Variants in CFAP52 observed in about 807,000 individuals in gnomAD.
CFAP52 encodes the protein cilia and flagella associated protein 52, also known as cilia- and flagella-associated protein 52.
CFAP52 carries 57 observed loss-of-function variants against 70.5 expected under a neutral mutation model. The observed-to-expected ratio is 0.81, with a 90% CI of 0.65 to 1.01. CFAP52 has a LOEUF of 1.01. CFAP52 is among the 50% of genes least tolerant of loss of function. CFAP52 has a pLI of 0.00. For synonymous variants in CFAP52, 267 were observed against 292.5 expected (o/e 0.91, Z 0.89); for missense variants, 785 against 788.5 (o/e 1.00, Z 0.05).
intron 8 of CFAP52, among the ~76,000 whole-genome samples, chr17:9,614,447 C>CTTA (rs1909832857): frequency 6.6e-6 from 1 of 152,170 alleles, no homozygotes; most frequent in Admixed American, 6.5e-5. Flanking sequence ...TGAGCCACCA[C>CTTA]GCCTGGCCTC....
chr17:9,631,992 C>T (rs769499969), intron 9 of CFAP52, among the ~76,000 whole-genome samples: 1 of 150,962 alleles, frequency 6.6e-6, no homozygotes, highest in Non-Finnish European at 1.5e-5. Flanking sequence ...AGGCTGGTCT[C>T]CACCTCCTGT....
At chr17:9,605,650 C>T (rs886952907) in intron 6 of CFAP52, among the ~76,000 whole-genome samples, 2 of 134,788 alleles carry the variant, frequency 1.5e-5, no homozygotes, top group Middle Eastern at 4.4e-3. Flanking sequence ...GAGCCGAGAT[C>T]GCGCCCCTGC....
At chr17:9,607,801 C>T (rs1909555368) in intron 6 of CFAP52, among the ~76,000 whole-genome samples, 3 of 152,088 alleles carry the variant, frequency 2.0e-5, no homozygotes, top group Non-Finnish European at 4.4e-5. Context: ...AGCCTGTTTG[C>T]ATCCTGTAGG....
intron 4 of CFAP52, among the ~76,000 whole-genome samples, chr17:9,595,332 A>G (rs1194613982): frequency 1.3e-5 from 2 of 152,066 alleles, no homozygotes; most frequent in Middle Eastern, 3.2e-3. Context: ...GCAGCTCTAC[A>G]TCTATATTGT....
intron 3 of CFAP52, among the ~76,000 whole-genome samples, chr17:9,592,327 G>C (rs562924273): frequency 6.6e-6 from 1 of 152,020 alleles, no homozygotes; most frequent in South Asian, 2.1e-4. Context: ...TTAGCTGGGC[G>C]TGGTGGTGGT....
chr17:9,607,123 A>T (rs1038730244), intron 6 of CFAP52, among the ~76,000 whole-genome samples: 3 of 152,196 alleles, frequency 2.0e-5, no homozygotes, highest in African/African-American at 7.2e-5. Context: ...AGGCAGGAGG[A>T]TCACTTCAGG....
chr17:9,594,155 CTT>C, intron 3 of CFAP52, 36 bp from the exon 4 acceptor site: 3 of 1,536,058 alleles, frequency 2.0e-6, no homozygotes, highest in Non-Finnish European at 2.6e-6. Flanking sequence ...CCTGTTTTCT[CTT>C]TGACTTTTTT....
intron 1 of CFAP52, among the ~76,000 whole-genome samples, chr17:9,580,696 A>G (rs1908180686): frequency 6.6e-6 from 1 of 152,020 alleles, no homozygotes; most frequent in Non-Finnish European, 1.5e-5. Context: ...CTCAAAAAAA[A>G]AAAAAAAATG....
intron 8 of CFAP52, among the ~76,000 whole-genome samples, chr17:9,613,723 TG>T (rs1909797851): frequency 6.6e-6 from 1 of 152,090 alleles, no homozygotes; most frequent in African/African-American, 2.4e-5. Flanking sequence ...TTCACCTTGT[TG>T]GCCAGGCTGG....
At position 9,637,276 on chromosome 17, in the gene CFAP52, A is replaced by C. The variant is rs545675340; in HGVS notation, c.1473-1333A>C. On this transcript the variant is annotated intron_variant, in intron 11 of 13. Coordinates refer to ENST00000352665, the MANE Select transcript of CFAP52 (RefSeq NM_145054.5). ...CTATACCTGACCTTCCTCCTGGGAAAATATAGAACTAGAAGGACATGTCTG... is the reference window on the plus strand; with the variant it reads ...CTATACCTGACCTTCCTCCTGGGAACATATAGAACTAGAAGGACATGTCTG... Among the ~76,000 whole-genome samples, 22 of 152,330 alleles carry C rather than the reference A, an allele frequency of 1.4e-4. No individual in the cohort carries two copies. The East Asian group carries it at 4.3e-3, about 29-fold the overall frequency.
intron 1 of CFAP52, chr17:9,584,303 T>C: frequency 7.8e-7 from 1 of 1,289,214 alleles, no homozygotes; most frequent in Non-Finnish European, 1.0e-6. Flanking sequence ...TGGCAGATAT[T>C]TGGAGTACGG....
intron 6 of CFAP52, among the ~76,000 whole-genome samples, chr17:9,604,800 A>G (rs1359709573): frequency 6.6e-6 from 1 of 151,142 alleles, no homozygotes; most frequent in Non-Finnish European, 1.5e-5. Flanking sequence ...TAAATAAATA[A>G]ATAAAAGAAG....
At chr17:9,628,127 C>T (rs565660195) in intron 8 of CFAP52, among the ~76,000 whole-genome samples, 1 of 152,140 alleles carries the variant, frequency 6.6e-6, no homozygotes. Flanking sequence ...TCTTTTTGAG[C>T]AACTTTGTCC....
At chr17:9,606,244 G>A (rs557686225) in intron 6 of CFAP52, among the ~76,000 whole-genome samples, 2 of 152,142 alleles carry the variant, frequency 1.3e-5, no homozygotes, top group African/African-American at 4.8e-5. Context: ...ATTAGCCGGC[G>A]TGGTGGCATG....
At chr17:9,596,843 C>T (rs1461671309) in intron 4 of CFAP52, among the ~76,000 whole-genome samples, 1 of 151,888 alleles carries the variant, frequency 6.6e-6, no homozygotes, top group Non-Finnish European at 1.5e-5. Flanking sequence ...AGCCTCCCGA[C>T]TAGCTGGGAT....
At chr17:9,576,982 T>C (rs1217216761) in intron 1 of CFAP52, among the ~76,000 whole-genome samples, 1 of 151,912 alleles carries the variant, frequency 6.6e-6, no homozygotes, top group Non-Finnish European at 1.5e-5. Flanking sequence ...AGTGAGATGG[T>C]TTTTACCAGC....
intron 3 of CFAP52, among the ~76,000 whole-genome samples, chr17:9,592,949 C>T (rs1908830843): frequency 6.6e-6 from 1 of 152,112 alleles, no homozygotes; most frequent in Non-Finnish European, 1.5e-5. Context: ...GTTTACCTCC[C>T]AATTTTTCCA....
intron 9 of CFAP52, among the ~76,000 whole-genome samples, chr17:9,632,158 A>C (rs1407566422): frequency 6.7e-6 from 1 of 150,318 alleles, no homozygotes; most frequent in African/African-American, 2.5e-5. Context: ...GCTCACTGCA[A>C]CCTCCATCTC....
chr17:9,637,899 C>T (rs1910879967), intron 11 of CFAP52, among the ~76,000 whole-genome samples: 1 of 152,070 alleles, frequency 6.6e-6, no homozygotes, highest in African/African-American at 2.4e-5. Flanking sequence ...TTAAAAATAC[C>T]CTTCCCAGGC....
Sources: allele counts gnomAD v4.1 joint callset (sites outside exome capture counted in the v4.1 genomes callset), GRCh38; gene constraint gnomAD v4.1.1; transcripts MANE v1.5; gene names NCBI Gene and HGNC (gene_info 2026-07-23, HGNC 2026-07-21).